The following TMEFF2 variants were observed in gnomAD, a reference collection of about 807,000 sequenced individuals.
TMEFF2 encodes transmembrane protein with EGF like and two follistatin like domains 2.
A neutral mutation model predicts 53.8 loss-of-function variants in TMEFF2; 28 were observed. The ratio of observed to expected loss-of-function variants is 0.52; its 90% CI spans 0.39 to 0.71. The LOEUF is 0.71. Among genes scored for constraint, TMEFF2 ranks in the 30% least tolerant of loss-of-function variants. The pLI is 0.00. For synonymous variants in TMEFF2, 162 were observed against 166.3 expected (o/e 0.97, Z 0.20); for missense variants, 353 against 455.2 (o/e 0.78, Z 2.04).
At chr2:192,010,833 T>C (rs1013554637) in intron 5 of TMEFF2, among the ~76,000 whole-genome samples, 7 of 152,220 alleles carry the variant, frequency 4.6e-5, no homozygotes, top group Non-Finnish European at 8.8e-5. Flanking sequence ...GATGTGATGC[T>C]TAAGCTGGAA....
In TMEFF2 at chr2:192,073,178, G is replaced by A. The variant is rs150366836; in HGVS notation, c.440-15403C>T. The stretch of plus-strand genomic sequence containing the variant: ...GCAAATAAATGAAAAAAATATTCAG[G>A]TGAGGTATTTTTAAATGGGGAAGAT... On this transcript the variant is annotated intron_variant, in intron 4 of 9. Coordinates refer to ENST00000272771, the MANE Select transcript of TMEFF2 (RefSeq NM_016192.4). 2.0e-5 allele frequency among the ~76,000 whole-genome samples: 3 copies of A among 152,060 alleles called. No individual in the cohort carries two copies. In the East Asian group the frequency reaches 5.8e-4, roughly 29 times the overall value.
chr2:192,133,694 G>A (rs986007023), intron 4 of TMEFF2, among the ~76,000 whole-genome samples: 31 of 152,022 alleles, frequency 2.0e-4, no homozygotes, highest in Non-Finnish European at 3.4e-4. Flanking sequence ...TCCTTTGCAC[G>A]GGTCATCCCA....
At chr2:192,161,303 C>T (rs1574424912) in intron 4 of TMEFF2, among the ~76,000 whole-genome samples, 1 of 151,960 alleles carries the variant, frequency 6.6e-6, no homozygotes, top group East Asian at 1.9e-4. Context: ...TTACAGGCAC[C>T]CACCACCATG....
At chr2:192,098,135 C>T (rs1688956626) in intron 4 of TMEFF2, among the ~76,000 whole-genome samples, 1 of 152,122 alleles carries the variant, frequency 6.6e-6, no homozygotes, top group South Asian at 2.1e-4. Context: ...TTGAATTTAA[C>T]CACAATAGCA....
intron 8 of TMEFF2, 108 bp from the exon 9 acceptor site, chr2:191,953,945 A>T (rs1202912789): frequency 1.0e-6 from 1 of 969,374 alleles, no homozygotes; most frequent in Non-Finnish European, 1.4e-6. Context: ...GCTGGAGTGC[A>T]GTGGCGCATC....
chr2:192,158,348 C>G (rs1690554260), intron 4 of TMEFF2, among the ~76,000 whole-genome samples: 1 of 134,832 alleles, frequency 7.4e-6, no homozygotes, highest in Non-Finnish European at 1.6e-5. Context: ...GTGTCAAGAA[C>G]TTTGTAAATC....
chr2:191,957,454 T>A (rs552204111), intron 7 of TMEFF2, among the ~76,000 whole-genome samples: 3 of 152,156 alleles, frequency 2.0e-5, no homozygotes, highest in Admixed American at 1.3e-4. Flanking sequence ...TTTTATGAAA[T>A]GGTTTATTTC....
chr2:192,097,004 T>G (rs1170908595), intron 4 of TMEFF2, among the ~76,000 whole-genome samples: 2 of 152,194 alleles, frequency 1.3e-5, no homozygotes, highest in East Asian at 3.8e-4. Context: ...TAGTATTTAA[T>G]GTGCTAAATA....
chr2:192,170,901 A>G (rs1215072698), intron 4 of TMEFF2, among the ~76,000 whole-genome samples: 1 of 152,116 alleles, frequency 6.6e-6, no homozygotes, highest in East Asian at 1.9e-4. Flanking sequence ...AAAATCCCAA[A>G]GCTGTAACAA....
chr2:191,952,738 C>T (rs6748861), intron 9 of TMEFF2, among the ~76,000 whole-genome samples: 149,618 of 152,312 alleles, frequency 0.98, 73,546 homozygotes, highest in Middle Eastern at 1. Context: ...TACTGAAATG[C>T]ATTATGACCC....
chr2:192,038,730 C>T (rs1240416882), intron 5 of TMEFF2, among the ~76,000 whole-genome samples: 1 of 152,126 alleles, frequency 6.6e-6, no homozygotes, highest in African/African-American at 2.4e-5. Flanking sequence ...AGCAATCTAC[C>T]TGCCTCGGCC....
intron 4 of TMEFF2, among the ~76,000 whole-genome samples, chr2:192,099,880 G>T (rs960348313): frequency 6.6e-6 from 1 of 150,490 alleles, no homozygotes; most frequent in East Asian, 1.9e-4. Flanking sequence ...AAAAAATATA[G>T]ACAGCTTTTG....
chr2:191,987,477 G>A (rs1232426384), intron 7 of TMEFF2, among the ~76,000 whole-genome samples: 1 of 151,812 alleles, frequency 6.6e-6, no homozygotes, highest in Admixed American at 6.6e-5. Flanking sequence ...CATGATCTTG[G>A]CTCACTGCAA....
intron 4 of TMEFF2, among the ~76,000 whole-genome samples, chr2:192,066,184 G>C (rs935799750): frequency 1.3e-5 from 2 of 151,628 alleles, no homozygotes; most frequent in Admixed American, 6.6e-5. Context: ...ATTAAAATGG[G>C]AAAACAAGAA....
intron 5 of TMEFF2, among the ~76,000 whole-genome samples, chr2:192,040,825 T>TAC (rs1014592210): frequency 3.9e-5 from 6 of 152,164 alleles, no homozygotes; most frequent in African/African-American, 1.4e-4. Context: ...AATCTTTGTA[T>TAC]ACAGGGTCAA....
At chr2:192,193,747 G>T (rs1276793103) in intron 1 of TMEFF2, among the ~76,000 whole-genome samples, 1 of 34,758 alleles carries the variant, frequency 2.9e-5, no homozygotes, top group Non-Finnish European at 5.8e-5. Flanking sequence ...GAGAGAGAGA[G>T]AGAGATAGAT....
intron 5 of TMEFF2, among the ~76,000 whole-genome samples, chr2:192,005,102 T>C (rs1686468499): frequency 6.6e-6 from 1 of 152,106 alleles, no homozygotes; most frequent in South Asian, 2.1e-4. Flanking sequence ...CCTCTGAAAA[T>C]CCTTCAAAGA....
chr2:192,194,186 C>T lies in TMEFF2; in HGVS notation c.172+167G>A, dbSNP rs547518091. Among the ~76,000 whole-genome samples, 1 of 152,136 alleles carries T rather than the reference C, an allele frequency of 6.6e-6. No homozygotes were observed. The highest frequency in any genetic ancestry group is 2.1e-4 in the South Asian group (1 of 4,822). On this transcript the variant is annotated intron_variant, in intron 1 of 9. Transcript: ENST00000272771. The surrounding 1 kb of genome is among the most constrained non-coding windows in gnomAD (Gnocchi z 4.2). Reference sequence around the variant, plus strand: ...CCCAGAACCACCCCTCACCCCCGGGCCTGCAACAGTTCCCCTTGTTTCTCT... The same window carrying T: ...CCCAGAACCACCCCTCACCCCCGGGTCTGCAACAGTTCCCCTTGTTTCTCT...
At chr2:192,082,079 C>T (rs1011565545) in intron 4 of TMEFF2, among the ~76,000 whole-genome samples, 2 of 152,130 alleles carry the variant, frequency 1.3e-5, no homozygotes, top group African/African-American at 4.8e-5. Context: ...AGATTACAGG[C>T]GTGAGCCACC....
Sources: gnomAD v4.1 joint callset for allele counts (sites outside exome capture counted in the v4.1 genomes callset) on GRCh38, gnomAD v4.1.1 for gene constraint, Gnocchi (gnomAD v3.1) non-coding constraint, MANE v1.5 for transcripts, NCBI Gene and HGNC (gene_info 2026-07-23, HGNC 2026-07-21) for gene names.